TF: variants seen among roughly 807,000 people sequenced by gnomAD.
TF encodes the protein transferrin.
In TF, 55 loss-of-function variants were observed where a neutral mutation model predicts 82.4. The ratio of observed to expected loss-of-function variants is 0.67; its 90% CI spans 0.54 to 0.84. The LOEUF (loss-of-function observed/expected upper bound fraction) is 0.84, where lower values mean the gene tolerates loss of function less well. Among genes scored for constraint, TF ranks in the 40% least tolerant of loss-of-function variants. The pLI, the probability that TF is intolerant of heterozygous loss-of-function variation, is 0.00. For missense variants in TF, 737 were observed against 868.4 expected (o/e 0.85, Z 1.90); for synonymous variants, 332 against 332.6 (o/e 1.00, Z 0.02).
chr3:133,765,021 A>G (rs1576363445), intron 11 of TF, 114 bp downstream of exon 11: 1 of 997,070 alleles, frequency 1.0e-6, no homozygotes, highest in African/African-American at 1.6e-5. Flanking sequence ...AATTTTCACA[A>G]TGCGAGAGAA....
chr3:133,789,883 T>G lies in TF; in HGVS notation c.*11263T>G, dbSNP rs910077613. 1 of 38,464 alleles carries G rather than the reference T, an allele frequency of 2.6e-5. No homozygotes were observed. Among genetic ancestry groups the G allele is most frequent in the African/African-American group, 6.5e-5 (1 of 15,480 alleles). 2.4% of individuals were successfully genotyped at this position (38,464 alleles called of 1,614,324 possible). On this transcript the variant is annotated 3_prime_UTR_variant, in exon 17 of 17. Coordinates refer to ENST00000402696, the MANE Select transcript of TF (RefSeq NM_001063.4). ...AAACAAAACGATCTCGTTTGCGTTT[T>G]TTTTTTTTTTTTTTTTTTTTTTTTT... is the stretch of plus-strand genomic sequence containing the variant.
At chr3:133,716,494 C>T in the TF span, among the ~76,000 whole-genome samples, 1 of 152,162 alleles carries the variant, frequency 6.6e-6, no homozygotes, top group Non-Finnish European at 1.5e-5. Context: ...TCTCGTCCAT[C>T]ACCAAATTAT....
Position 133,780,884 on chromosome 3 carries a change from A to T in TF, c.*2264A>T, listed in dbSNP as rs1934501575. 1 of 152,096 alleles carries T rather than the reference A, an allele frequency of 6.6e-6. No homozygotes were observed. Among genetic ancestry groups the T allele is most frequent in the Non-Finnish European group, 1.5e-5 (1 of 68,054 alleles). 9.4% of individuals were successfully genotyped at this position (152,096 alleles called of 1,614,324 possible). ...AAAAATTAGCCTGGTTTGGTGGCAC[A>T]CACCTGTAGTCCCAGCTACTCAGGA... On this transcript the variant is annotated 3_prime_UTR_variant, in exon 17 of 17. Transcript: ENST00000402696.
chr3:133,793,795 GA>G lies in TF; in HGVS notation c.*15176del, dbSNP rs964273588. On this transcript the variant is annotated 3_prime_UTR_variant, in exon 17 of 17. Coordinates refer to ENST00000402696, the MANE Select transcript of TF (RefSeq NM_001063.4). ...GGTGTCTTTTAGGAGATTCATGAAA[GA>G]TTGGAAAGGACCCTAAAAAGCACTC... The G allele has an allele frequency of 1.2e-4, 19 of 152,102 alleles. No homozygotes were observed. Among genetic ancestry groups the G allele is most frequent in the African/African-American group, 4.1e-4 (17 of 41,430 alleles). 9.4% of individuals were successfully genotyped at this position (152,102 alleles called of 1,614,324 possible). A position where few individuals can be genotyped will look rare whatever the true frequency, so the allele number is the denominator to read the frequency against.
chr3:133,792,267 G>A lies in TF; in HGVS notation c.*13647G>A, dbSNP rs899274763. The A allele has an allele frequency of 6.6e-6, 1 of 152,108 alleles. No homozygotes were observed. The highest frequency in any genetic ancestry group is 1.5e-5 in the Non-Finnish European group (1 of 68,018). 9.4% of individuals were successfully genotyped at this position (152,108 alleles called of 1,614,324 possible). A position where few individuals can be genotyped will look rare whatever the true frequency, so the allele number is the denominator to read the frequency against. On this transcript the variant is annotated 3_prime_UTR_variant, in exon 17 of 17. Coordinates refer to ENST00000402696, the MANE Select transcript of TF (RefSeq NM_001063.4). ...ATTCGTGTCCTAAAGTAAAATAAGC[G>A]GTTGTTAAAAAAGAGGGATGTTTAG... is the stretch of plus-strand genomic sequence containing the variant.
the TF span, among the ~76,000 whole-genome samples, chr3:133,739,975 A>G: frequency 6.6e-6 from 1 of 152,238 alleles, no homozygotes; most frequent in African/African-American, 2.4e-5. Context: ...CAGCAATCCC[A>G]TTACTGGGTA....
At chr3:133,706,617 GA>G in the TF span, among the ~76,000 whole-genome samples, 25 of 152,256 alleles carry the variant, frequency 1.6e-4, no homozygotes, top group African/African-American at 5.5e-4. Context: ...ATTATGGTTT[GA>G]AAACTGCTGT....
At chr3:133,701,433 C>A in the TF span, among the ~76,000 whole-genome samples, 1 of 152,182 alleles carries the variant, frequency 6.6e-6, no homozygotes, top group African/African-American at 2.4e-5. Flanking sequence ...TGGTTTATTT[C>A]TTCCTTCTTT....
chr3:133,747,493 C>A (rs889101322), intron 1 of TF, among the ~76,000 whole-genome samples: 1 of 152,234 alleles, frequency 6.6e-6, no homozygotes, highest in African/African-American at 2.4e-5. Context: ...TGTGGATCTT[C>A]TTCAGAGCCA....
the TF span, among the ~76,000 whole-genome samples, chr3:133,674,792 A>G: frequency 6.6e-6 from 1 of 152,090 alleles, no homozygotes; most frequent in Non-Finnish European, 1.5e-5. Flanking sequence ...GCACCCCTGA[A>G]AGTGCTTTCT....
intron 11 of TF, 91 bp downstream of exon 11, chr3:133,764,998 G>A: frequency 1.5e-6 from 2 of 1,334,992 alleles, no homozygotes; most frequent in Non-Finnish European, 2.2e-6. Flanking sequence ...TATATAAGGT[G>A]CTGTAAGAGA....
chr3:133,745,774 G>A (rs8177185), upstream of TF, among the ~76,000 whole-genome samples: 12,540 of 152,220 alleles, frequency 0.082, 696 homozygotes, highest in East Asian at 0.27. Context: ...GCTTGAGGGC[G>A]GGAAGTTTTC....
chr3:133,704,634 C>T, the TF span, among the ~76,000 whole-genome samples: 1 of 152,190 alleles, frequency 6.6e-6, no homozygotes, highest in Non-Finnish European at 1.5e-5. Flanking sequence ...GAAAATGGGT[C>T]TGATGGCTTA....
chr3:133,775,218 G>A (rs1011099887), intron 14 of TF: 3 of 611,974 alleles, frequency 4.9e-6, no homozygotes, highest in Non-Finnish European at 8.8e-6. Context: ...GGTTGGAAGG[G>A]GATGGTCAAT....
At chr3:133,675,896 G>A in the TF span, among the ~76,000 whole-genome samples, 1 of 152,092 alleles carries the variant, frequency 6.6e-6, no homozygotes, top group Non-Finnish European at 1.5e-5. Flanking sequence ...TTACTCTTTA[G>A]CCCGTGACAG....
At chr3:133,690,075 A>G in the TF span, among the ~76,000 whole-genome samples, 1 of 152,206 alleles carries the variant, frequency 6.6e-6, no homozygotes, top group South Asian at 2.1e-4. Context: ...ATAAATTCCC[A>G]GCTTGACTCA....
At chr3:133,738,546 T>G in the TF span, among the ~76,000 whole-genome samples, 4 of 151,542 alleles carry the variant, frequency 2.6e-5, no homozygotes, top group African/African-American at 9.7e-5. Context: ...GATGACGTGA[T>G]TGTATATTCC....
rs942736162 is a variant in TF, at chr3:133,787,142, G to A, written c.*8522G>A. The A allele has an allele frequency of 2.0e-4, 30 of 152,114 alleles. No homozygotes were observed. The highest frequency in any genetic ancestry group is 2.4e-5 in the African/African-American group (1 of 41,408). The allele number at this position is 152,114 out of a possible 1,614,324, so 9.4% of individuals were successfully genotyped here. A position where few individuals can be genotyped will look rare whatever the true frequency, so the allele number is the denominator to read the frequency against. On this transcript the variant is annotated 3_prime_UTR_variant, in exon 17 of 17. Transcript: ENST00000402696. ...TTGCTGTGTATGTAGAGTACATAAT[G>A]GACAAATGAGTCCTAATTTTGCAAC...
At chr3:133,707,516 C>T in the TF span, 1 of 152,160 alleles carries the variant, frequency 6.6e-6, no homozygotes, top group Non-Finnish European at 1.5e-5. Context: ...GGTTCCACTG[C>T]CACCATTTAA....
Sources: gnomAD v4.1 joint callset for allele counts (sites outside exome capture counted in the v4.1 genomes callset) on GRCh38, gnomAD v4.1.1 for gene constraint, MANE v1.5 for transcripts, NCBI Gene and HGNC (gene_info 2026-07-23, HGNC 2026-07-21) for gene names.